The following NRG2 variants were observed in gnomAD, a reference collection of about 807,000 sequenced individuals.
NRG2 encodes the protein neuregulin 2.
NRG2 carries 27 observed loss-of-function variants against 73.9 expected under a neutral mutation model. The ratio of observed to expected loss-of-function variants is 0.37; its 90% CI spans 0.27 to 0.50. NRG2 has a LOEUF of 0.50. Ranked by LOEUF, NRG2 falls within the 20% of genes least tolerant of loss-of-function variation. The pLI is 0.96. For synonymous variants in NRG2, 532 were observed against 541.0 expected, an observed-to-expected ratio of 0.98 and a Z score of 0.23; for missense variants, 1,126 against 1,210.1, an observed-to-expected ratio of 0.93 and a Z score of 1.03.
At chr5:139,881,275 G>T (rs189307219) in intron 2 of NRG2, among the ~76,000 whole-genome samples, 1 of 152,156 alleles carries the variant, frequency 6.6e-6, no homozygotes, top group Non-Finnish European at 1.5e-5. Flanking sequence ...ACATTCTTCT[G>T]GGGGAGTAAA....
chr5:139,921,871 G>A (rs893878874), intron 1 of NRG2, among the ~76,000 whole-genome samples: 8 of 152,012 alleles, frequency 5.3e-5, no homozygotes, highest in Non-Finnish European at 8.8e-5. Flanking sequence ...AGACCAGCCT[G>A]GGCAACAGAG....
chr5:139,877,989 T>C (rs897263273), intron 3 of NRG2, among the ~76,000 whole-genome samples: 5 of 152,128 alleles, frequency 3.3e-5, no homozygotes, highest in African/African-American at 1.2e-4. Context: ...TGCCACGGTC[T>C]GGTTCCTAAA....
Position 140,042,991 on chromosome 5 carries a change from T to G in NRG2, c.79A>C (p.Ser27Arg), listed in dbSNP as rs776842489. 6.4e-7 allele frequency: 1 copy of G among 1,561,204 alleles called. No homozygotes were observed. Among genetic ancestry groups the G allele is most frequent in the South Asian group, 1.2e-5 (1 of 86,202 alleles). ...CTGCTGCTCCTCTCGCTGCTGCTGC[T>G]GCTGCTGTCGCTGTAGCTGCTGCAC... ...GRCSSYSDSS[S>R]SSSERSSSSS... is the part of the protein sequence containing the mutation. The change falls in exon 1 of 10, where the codon AGC (serine) becomes CGC (arginine). Residue 27 changes from serine to arginine, a missense_variant. Around this residue, in one of 3 missense-constraint regions of NRG2, gnomAD observed 185 missense variants for 149.0 expected, o/e 1.24. Coordinates refer to ENST00000361474, the MANE Select transcript of NRG2 (RefSeq NM_004883.3).
chr5:139,982,046 A>C (rs1033065995), intron 1 of NRG2, among the ~76,000 whole-genome samples: 35 of 152,192 alleles, frequency 2.3e-4, no homozygotes, highest in Admixed American at 6.5e-5. Flanking sequence ...GAGACCTTAC[A>C]TGGTTCAGGG....
Position 139,887,775 on chromosome 5 carries a change from C to A in NRG2, c.701-264G>T, listed in dbSNP as rs1763966687. Among the ~76,000 whole-genome samples the A allele has an allele frequency of 6.6e-6, 1 of 152,096 alleles. No homozygotes were observed. Among genetic ancestry groups the A allele is most frequent in the Non-Finnish European group, 1.5e-5 (1 of 68,026 alleles). ...TGAAGCTTTACATTAGCTTATGAAA[C>A]CTTCACAGTAACCCCATGAGCTCAC... On this transcript the variant is annotated intron_variant, in intron 1 of 9. Coordinates refer to ENST00000361474, the MANE Select transcript of NRG2 (RefSeq NM_004883.3). The surrounding 1 kb of genome is among the most constrained non-coding windows in gnomAD (Gnocchi z 4.5).
intron 3 of NRG2, among the ~76,000 whole-genome samples, chr5:139,873,441 C>A (rs1276785129): frequency 6.6e-6 from 1 of 152,236 alleles, no homozygotes; most frequent in Non-Finnish European, 1.5e-5. Flanking sequence ...TGGGAGAACC[C>A]TCGAGGTTGT....
intron 1 of NRG2, among the ~76,000 whole-genome samples, chr5:140,032,120 A>G (rs1413697144): frequency 6.6e-6 from 1 of 152,198 alleles, no homozygotes; most frequent in East Asian, 1.9e-4. Context: ...TTACTACAGA[A>G]AAGGAACCTG....
Position 139,904,151 on chromosome 5 carries a change from G to A in NRG2, c.701-16640C>T, listed in dbSNP as rs1765063921. On this transcript the variant is annotated intron_variant, in intron 1 of 9. Coordinates refer to ENST00000361474, the MANE Select transcript of NRG2 (RefSeq NM_004883.3). The surrounding 1 kb of genome is among the most constrained non-coding windows in gnomAD (Gnocchi z 6.0). The stretch of plus-strand genomic sequence containing the variant: ...AGCCCCTTGCTCTCCCGGCCGCGAC[G>A]ACCCGCTCGCACGCAGGCACGCGCG... Among the ~76,000 whole-genome samples, 1 of 152,100 alleles carries A rather than the reference G, an allele frequency of 6.6e-6. No individual in the cohort carries two copies.
intron 1 of NRG2, among the ~76,000 whole-genome samples, chr5:139,901,533 A>G (rs1325413532): frequency 6.6e-6 from 1 of 152,156 alleles, no homozygotes; most frequent in East Asian, 1.9e-4. Context: ...TAAAGAAGGG[A>G]GTTTGTTTTA....
At chr5:139,968,708 C>T (rs1179005955) in intron 1 of NRG2, among the ~76,000 whole-genome samples, 1 of 152,206 alleles carries the variant, frequency 6.6e-6, no homozygotes, top group African/African-American at 2.4e-5. Flanking sequence ...GGACACTACT[C>T]CAACAAGCAA....
chr5:140,012,373 C>T (rs1167246115), intron 1 of NRG2, among the ~76,000 whole-genome samples: 1 of 152,210 alleles, frequency 6.6e-6, no homozygotes, highest in Non-Finnish European at 1.5e-5. Context: ...GAGGGCAGGG[C>T]ACACATCTGT....
At chr5:139,871,657 C>T (rs1054413184) in intron 4 of NRG2, 64 bp downstream of exon 4, 1 of 1,597,466 alleles carries the variant, frequency 6.3e-7, no homozygotes. Flanking sequence ...TAGAGCCCTC[C>T]ACTTCTGACC....
intron 1 of NRG2, among the ~76,000 whole-genome samples, chr5:139,923,781 C>T (rs1237590917): frequency 2.6e-5 from 4 of 152,134 alleles, no homozygotes; most frequent in Non-Finnish European, 5.9e-5. Context: ...ATCCCAAGGG[C>T]TGATGGGACC....
At chr5:140,001,018 A>T (rs531664808) in intron 1 of NRG2, among the ~76,000 whole-genome samples, 25 of 152,022 alleles carry the variant, frequency 1.6e-4, no homozygotes, top group Admixed American at 2.6e-4. Context: ...CTCACGCCCC[A>T]TGTTCTAGCT....
At chr5:140,017,246 T>C (rs773912654) in intron 1 of NRG2, among the ~76,000 whole-genome samples, 11 of 152,028 alleles carry the variant, frequency 7.2e-5, no homozygotes, top group Non-Finnish European at 1.0e-4. Flanking sequence ...AGTGGTTAGA[T>C]GAGGGAACAC....
At chr5:140,013,107 C>T (rs991782107) in intron 1 of NRG2, among the ~76,000 whole-genome samples, 6 of 152,150 alleles carry the variant, frequency 3.9e-5, no homozygotes, top group African/African-American at 1.4e-4. Flanking sequence ...ACCTTGTTTC[C>T]TACTTTACTG....
intron 1 of NRG2, among the ~76,000 whole-genome samples, chr5:139,962,581 A>T: frequency 6.6e-6 from 1 of 152,170 alleles, no homozygotes; most frequent in East Asian, 1.9e-4. Flanking sequence ...GTAGGAGTGC[A>T]GGGGCAGCCA....
intron 1 of NRG2, among the ~76,000 whole-genome samples, chr5:139,923,741 A>G (rs896706222): frequency 2.0e-5 from 3 of 152,186 alleles, no homozygotes; most frequent in Admixed American, 2.0e-4. Flanking sequence ...ATTTTAATTC[A>G]TAAGGCCTGA....
intron 1 of NRG2, among the ~76,000 whole-genome samples, chr5:139,889,440 G>A (rs906326972): frequency 6.6e-6 from 1 of 152,098 alleles, no homozygotes; most frequent in African/African-American, 2.4e-5. Context: ...CAACCACACA[G>A]TTGTCTTTCT....
Sources: allele counts gnomAD v4.1 joint callset (sites outside exome capture counted in the v4.1 genomes callset), GRCh38; gene constraint gnomAD v4.1.1; regional missense constraint gnomAD v4.1.1; non-coding constraint Gnocchi (gnomAD v3.1); transcripts MANE v1.5; gene names NCBI Gene and HGNC (gene_info 2026-07-23, HGNC 2026-07-21).